The following TNKS1BP1 variants were observed in gnomAD, a reference collection of about 807,000 sequenced individuals.
TNKS1BP1 encodes the protein CCR4-NOT transcription complex subunit 12.
TNKS1BP1 carries 48 observed loss-of-function variants against 141.1 expected under a neutral mutation model. The ratio of observed to expected loss-of-function variants is 0.34; its 90% CI spans 0.27 to 0.43. The LOEUF (loss-of-function observed/expected upper bound fraction) is 0.43. Ranked by LOEUF, TNKS1BP1 falls within the 20% of genes least tolerant of loss-of-function variation. The pLI is 1.00. For missense variants in TNKS1BP1, 2,149 were observed against 2,226.0 expected (o/e 0.97, Z 0.70); for synonymous variants, 875 against 898.2 (o/e 0.97, Z 0.46).
At chr11:57,304,866 C>T (rs113692993) in intron 6 of TNKS1BP1, among the ~76,000 whole-genome samples, 43 of 114,446 alleles carry the variant, frequency 3.8e-4, no homozygotes, top group African/African-American at 1.2e-3. Flanking sequence ...GAGCAAAACT[C>T]CGTCTCAAAA....
In TNKS1BP1 at chr11:57,310,049, A is replaced by C. The variant is rs1565041636; in HGVS notation, c.2662T>G (p.Phe888Val). 6.2e-7 allele frequency: 1 copy of C among 1,614,012 alleles called. No homozygotes were observed. Residue 888 changes from phenylalanine (F) to valine (V), a missense_variant, in exon 6 of 12, where the codon TTT (phenylalanine) becomes GTT (valine). Physicochemically the swap from Phe to Val is conservative, Grantham distance 50. Transcript: ENST00000358252. ...SRDVSLGDWE[F>V]GKRDSLGAYA... ...GCACCCAGAGAATCTCTCTTCCCAA[A>C]TTCCCAGTCCCCAAGGCTTACATCT...
At chr11:57,323,671 G>A (rs1046685345) in intron 1 of TNKS1BP1, among the ~76,000 whole-genome samples, 2 of 152,176 alleles carry the variant, frequency 1.3e-5, no homozygotes, top group South Asian at 2.1e-4. Context: ...TAACCACCAC[G>A]GAAGACTGCC....
chr11:57,320,011 G>GCCCCCCCCCCAAACCACC, intron 3 of TNKS1BP1, 68 bp downstream of exon 3: 1 of 1,296,684 alleles, frequency 7.7e-7, no homozygotes, highest in Non-Finnish European at 1.1e-6. Context: ...TTGGTCCCCA[G>GCCCCCCCCCCAAACCACC]CCCCCACCCA....
intron 6 of TNKS1BP1, among the ~76,000 whole-genome samples, chr11:57,305,452 C>A (rs1338552738): frequency 6.6e-6 from 1 of 152,132 alleles, no homozygotes; most frequent in Non-Finnish European, 1.5e-5. Context: ...CTTTAGAGTA[C>A]CCTGAGGACC....
intron 5 of TNKS1BP1, chr11:57,311,441 G>A (rs375898883): frequency 1.3e-5 from 13 of 985,612 alleles, no homozygotes; most frequent in Non-Finnish European, 9.6e-6. Context: ...GCTGCTACCC[G>A]CGCTGGGACC....
chr11:57,309,296 G>C lies in TNKS1BP1; in HGVS notation c.3415C>G (p.Pro1139Ala). Residue 1139 changes from proline (P) to alanine (A), a missense_variant, in exon 6 of 12, where the codon CCT (proline) becomes GCT (alanine). By Grantham distance (27) the Pro-to-Ala change is conservative (BLOSUM62 -1). Transcript: ENST00000358252. The surrounding 1 kb of genome is among the most constrained non-coding windows in gnomAD (Gnocchi z 4.3). ...NDRVSGAGFS[P>A]SSKMEGGHFV... ...TGACCACCTTCCATCTTGCTAGAAG[G>C]GCTAAAGCCAGCACCACTCACTCTG... 6.2e-7 allele frequency: 1 copy of C among 1,614,118 alleles called. No homozygotes were observed. Among genetic ancestry groups the C allele is most frequent in the Non-Finnish European group, 8.5e-7 (1 of 1,180,038 alleles).
At position 57,313,542 on chromosome 11, in the gene TNKS1BP1, C is replaced by A; in HGVS notation, c.1146G>T (p.Gln382His). The change falls in exon 5 of 12, where the codon CAG becomes CAT. Residue 382 changes from glutamine (Q) to histidine (H), a missense_variant. Transcript: ENST00000358252. Reference protein sequence around the residue: ...PEVLEPHSLDQPPATSPRPLI... With the variant: ...PEVLEPHSLDHPPATSPRPLI... Reference sequence around the variant, plus strand: ...GGGGCCGGGGTGAGGTGGCAGGGGGCTGATCCAGGCTATGGGGCTCCAAGA... The same window carrying A: ...GGGGCCGGGGTGAGGTGGCAGGGGGATGATCCAGGCTATGGGGCTCCAAGA... The A allele has an allele frequency of 6.4e-7, 1 of 1,572,762 alleles. No homozygotes were observed. The highest frequency in any genetic ancestry group is 8.6e-7 in the Non-Finnish European group (1 of 1,159,184).
Position 57,320,423 on chromosome 11 carries a change from G to A in TNKS1BP1, c.384C>T (p.Pro128=), listed in dbSNP as rs777824575. The part of the protein sequence containing the change: ...GKEEAGKEEP[P]PLTPPARCAA... ...CACATCGAGCTGGGGGTGTCAAAGG[G>A]GGTGGCTCCTCTTTCCCAGCCTCCT... Residue 128 remains proline, a synonymous_variant, in exon 3 of 12, where the codon CCC becomes CCT. Coordinates refer to ENST00000358252, the MANE Select transcript of TNKS1BP1 (RefSeq NM_033396.3). The A allele has an allele frequency of 3.2e-5, 52 of 1,609,606 alleles. No individual in the cohort carries two copies. The highest frequency in any genetic ancestry group is 4.3e-5 in the Non-Finnish European group (51 of 1,176,816).
intron 11 of TNKS1BP1, 32 bp downstream of exon 11, chr11:57,300,496 G>T (rs768954101): frequency 6.2e-7 from 1 of 1,609,566 alleles, no homozygotes; most frequent in African/African-American, 1.3e-5. Flanking sequence ...GCCCTCCTCA[G>T]ACTGGATCCA....
At chr11:57,306,557 C>G (rs889825082) in intron 6 of TNKS1BP1, among the ~76,000 whole-genome samples, 1 of 152,172 alleles carries the variant, frequency 6.6e-6, no homozygotes, top group African/African-American at 2.4e-5. Context: ...ACAAGCCCCT[C>G]GAACTCCTCT....
chr11:57,320,459 C>A lies in TNKS1BP1; in HGVS notation c.348G>T (p.Glu116Asp), dbSNP rs1040716418. Residue 116 changes from glutamate to aspartate, a missense_variant, in exon 3 of 12, where the codon GAG (glutamate) becomes GAT (aspartate). By Grantham distance (45) the Glu-to-Asp change is conservative. Coordinates refer to ENST00000358252, the MANE Select transcript of TNKS1BP1 (RefSeq NM_033396.3). Reference protein sequence around the residue: ...EASTGGEATQETGKEEAGKEE... With the variant: ...EASTGGEATQDTGKEEAGKEE... ...CTTTCCCAGCCTCCTCTTTCCCAGT[C>A]TCTTGGGTGGCTTCTCCTCCAGTGG... is the stretch of plus-strand genomic sequence containing the variant. 4 of 1,607,904 alleles carry A rather than the reference C, an allele frequency of 2.5e-6. No individual in the cohort carries two copies. The highest frequency in any genetic ancestry group is 1.3e-5 in the African/African-American group (1 of 74,720).
At chr11:57,321,529 T>C (rs936914525) in intron 2 of TNKS1BP1, among the ~76,000 whole-genome samples, 1 of 152,194 alleles carries the variant, frequency 6.6e-6, no homozygotes, top group Non-Finnish European at 1.5e-5. Flanking sequence ...TTTTCCCCTC[T>C]GCAAAGCATG....
At chr11:57,324,426 G>C (rs1426263453) in intron 1 of TNKS1BP1, among the ~76,000 whole-genome samples, 1 of 151,766 alleles carries the variant, frequency 6.6e-6, no homozygotes, top group Non-Finnish European at 1.5e-5. Context: ...GCGAACAGAC[G>C]GTGGGCTGCA....
intron 9 of TNKS1BP1, among the ~76,000 whole-genome samples, chr11:57,301,406 C>T (rs1168582995): frequency 6.6e-6 from 1 of 152,080 alleles, no homozygotes; most frequent in East Asian, 1.9e-4. Flanking sequence ...ATACAAGAGG[C>T]CTTCTCCAAT....
At position 57,310,204 on chromosome 11, in the gene TNKS1BP1, C is replaced by T. The variant is rs752689336; in HGVS notation, c.2507G>A (p.Ser836Asn). ...GKPAQLGTQR[S>N]QEADVQDWEF... is the part of the protein sequence containing the mutation. ...CCAGTCCTGAACATCTGCCTCCTGG[C>T]TCCGCTGAGTGCCAAGCTGGGCTGG... Residue 836 changes from serine to asparagine, a missense_variant, in exon 6 of 12, where the codon AGC becomes AAC. By Grantham distance (46) the Ser-to-Asn change is conservative. Transcript: ENST00000358252. 2 of 1,614,218 alleles carry T rather than the reference C, an allele frequency of 1.2e-6. No homozygotes were observed. The highest frequency in any genetic ancestry group is 1.7e-6 in the Non-Finnish European group (2 of 1,180,036).
At chr11:57,301,126 G>A in intron 9 of TNKS1BP1, 85 bp from the exon 10 acceptor site, 2 of 1,386,194 alleles carry the variant, frequency 1.4e-6, no homozygotes. Flanking sequence ...TCAAGAGTGT[G>A]CAGTCCCCAG....
chr11:57,309,688 C>G lies in TNKS1BP1; in HGVS notation c.3023G>C (p.Ser1008Thr). ...AGCATCCCTGCTGCCCTCTCCAAGG[C>G]TGTCTTCCACACTTGGAATCTTCTT... is the stretch of plus-strand genomic sequence containing the variant. ...FEKKIPSVED[S>T]LGEGSRDAGR... Residue 1008 changes from serine to threonine, a missense_variant, in exon 6 of 12, where the codon AGC (serine) becomes ACC (threonine). Transcript: ENST00000358252. The surrounding 1 kb of genome is among the most constrained non-coding windows in gnomAD (Gnocchi z 4.3). The G allele has an allele frequency of 6.2e-7, 1 of 1,614,256 alleles. No individual in the cohort carries two copies. Among genetic ancestry groups the G allele is most frequent in the Non-Finnish European group, 8.5e-7 (1 of 1,180,048 alleles).
In TNKS1BP1 at chr11:57,312,990, A is replaced by G; in HGVS notation, c.1698T>C (p.Ala566=). The change falls in exon 5 of 12, where the codon GCT becomes GCC. Residue 566 remains alanine, a synonymous_variant. Transcript: ENST00000358252. ...GDGESQPQFP[A]VPLEPLPTTE... is the part of the protein sequence containing the mutation. The stretch of plus-strand genomic sequence containing the variant: ...TTGTAGGCAGGGGCTCAAGGGGAAC[A>G]GCTGGGAATTGAGGTTGACTCTCCC... The G allele has an allele frequency of 6.2e-7, 1 of 1,613,938 alleles. No individual in the cohort carries two copies. Among genetic ancestry groups the G allele is most frequent in the Non-Finnish European group, 8.5e-7 (1 of 1,180,004 alleles).
rs764721137 is a variant in TNKS1BP1 at position 57,313,242 on chromosome 11, C to T, written c.1446G>A (p.Thr482=). ...LSQSFEWTFP[T]RPSGLGVWRL... ...GCCACACGCCCAGACCCGAGGGCCT[C>T]GTGGGGAAGGTCCATTCGAAGGACT... Residue 482 remains threonine (T), a synonymous_variant, in exon 5 of 12, where the codon ACG becomes ACA. Transcript: ENST00000358252. The T allele has an allele frequency of 1.7e-5, 28 of 1,612,890 alleles. No individual in the cohort carries two copies. Among genetic ancestry groups the T allele is most frequent in the Middle Eastern group, 1.6e-4 (1 of 6,062 alleles).
Sources: allele counts gnomAD v4.1 joint callset (sites outside exome capture counted in the v4.1 genomes callset), GRCh38; gene constraint gnomAD v4.1.1; non-coding constraint Gnocchi (gnomAD v3.1); transcripts MANE v1.5; gene names NCBI Gene and HGNC (gene_info 2026-07-23, HGNC 2026-07-21).